Variants in TRAF3IP1 observed in about 807,000 individuals in gnomAD.
TRAF3IP1 encodes TRAF3-interacting protein 1.
In TRAF3IP1, 53 loss-of-function variants were observed where a neutral mutation model predicts 89.9. The observed-to-expected ratio is 0.59, with a 90% CI of 0.47 to 0.74. The LOEUF is 0.74. TRAF3IP1 is among the 30% of genes least tolerant of loss of function. The pLI is 0.00. For synonymous variants in TRAF3IP1, 311 were observed against 322.1 expected (o/e 0.97, Z 0.37); for missense variants, 806 against 866.1 (o/e 0.93, Z 0.87).
chr2:238,335,366 C>T (rs1698332594), intron 7 of TRAF3IP1, among the ~76,000 whole-genome samples: 1 of 152,156 alleles, frequency 6.6e-6, no homozygotes. Context: ...GTTCCAGGAT[C>T]ACTTATTCAT....
chr2:238,341,853 C>T (rs1245339470), intron 8 of TRAF3IP1, among the ~76,000 whole-genome samples: 1 of 152,152 alleles, frequency 6.6e-6, no homozygotes, highest in East Asian at 1.9e-4. Context: ...GCCAGTGTTC[C>T]ACCCTAGGGC....
chr2:238,380,310 C>T (rs1024346523), intron 15 of TRAF3IP1, among the ~76,000 whole-genome samples: 1 of 152,182 alleles, frequency 6.6e-6, no homozygotes, highest in Non-Finnish European at 1.5e-5. Flanking sequence ...CGTGGAGAAG[C>T]TGCTTACCTG....
At chr2:238,338,776 G>T (rs1263106703) in intron 8 of TRAF3IP1, among the ~76,000 whole-genome samples, 1 of 152,196 alleles carries the variant, frequency 6.6e-6, no homozygotes, top group Admixed American at 6.5e-5. Flanking sequence ...TAGAGAAACG[G>T]TTTTTATGTC....
chr2:238,387,373 C>T (rs1228305249), intron 15 of TRAF3IP1, among the ~76,000 whole-genome samples: 1 of 152,218 alleles, frequency 6.6e-6, no homozygotes, highest in Non-Finnish European at 1.5e-5. Context: ...TGCCAGATAA[C>T]AGTTCAGTAG....
intron 15 of TRAF3IP1, among the ~76,000 whole-genome samples, chr2:238,375,471 T>G (rs181168725): frequency 6.6e-6 from 1 of 152,334 alleles, no homozygotes; most frequent in East Asian, 1.9e-4. Context: ...GAGTTCTAAT[T>G]TGATTGCACT....
intron 12 of TRAF3IP1, 51 bp downstream of exon 12, chr2:238,349,459 G>T: frequency 6.4e-7 from 1 of 1,560,760 alleles, no homozygotes. Flanking sequence ...GTTCTCCAGT[G>T]GGCATGGTGC....
intron 15 of TRAF3IP1, among the ~76,000 whole-genome samples, chr2:238,383,273 G>A (rs74794287): frequency 1.7e-3 from 265 of 152,254 alleles, no homozygotes; most frequent in African/African-American, 6.2e-3. Context: ...TCAAACTTGC[G>A]GGTCTCTTTT....
At chr2:238,389,893 G>A (rs1057129004) in intron 15 of TRAF3IP1, among the ~76,000 whole-genome samples, 57 of 152,164 alleles carry the variant, frequency 3.7e-4, no homozygotes, top group African/African-American at 1.3e-3. Context: ...CACTAGAAGT[G>A]CAAATGCCCA....
At chr2:238,392,214 G>A (rs535728510) in intron 15 of TRAF3IP1, among the ~76,000 whole-genome samples, 9 of 152,114 alleles carry the variant, frequency 5.9e-5, no homozygotes, top group Non-Finnish European at 1.0e-4. Context: ...AGAAAAAATA[G>A]TAGAAAAAGA....
chr2:238,362,251 T>A (rs1247940549), intron 15 of TRAF3IP1, among the ~76,000 whole-genome samples: 1 of 147,110 alleles, frequency 6.8e-6, no homozygotes, highest in Non-Finnish European at 1.5e-5. Context: ...TTCAAACTAA[T>A]TTTTTTTTTT....
intron 15 of TRAF3IP1, among the ~76,000 whole-genome samples, chr2:238,377,234 T>C (rs1050506296): frequency 4.5e-5 from 6 of 133,734 alleles, no homozygotes; most frequent in East Asian, 2.0e-4. Context: ...GATTTTCTTT[T>C]TTTTTTTTTT....
At chr2:238,322,393 G>C (rs922669310) in intron 1 of TRAF3IP1, among the ~76,000 whole-genome samples, 2 of 152,160 alleles carry the variant, frequency 1.3e-5, no homozygotes, top group Non-Finnish European at 2.9e-5. Context: ...TAATGGGAGA[G>C]GAGGAGGAAC....
At chr2:238,340,595 C>A (rs1214907682) in intron 8 of TRAF3IP1, among the ~76,000 whole-genome samples, 1 of 152,076 alleles carries the variant, frequency 6.6e-6, no homozygotes, top group Admixed American at 6.5e-5. Flanking sequence ...ATGCTTTGTT[C>A]GCTTTACAAT....
At chr2:238,384,380 G>GTATA (rs58730491) in intron 15 of TRAF3IP1, among the ~76,000 whole-genome samples, 21 of 143,294 alleles carry the variant, frequency 1.5e-4, no homozygotes, top group Non-Finnish European at 2.4e-4. Flanking sequence ...ATGTATGTAT[G>GTATA]TATATATATA....
Position 238,398,945 on chromosome 2 carries a change from A to C in TRAF3IP1, c.*26A>C, listed in dbSNP as rs201006239. The C allele has an allele frequency of 1.1e-4, 169 of 1,571,996 alleles. No homozygotes were observed. The highest frequency in any genetic ancestry group is 1.3e-4 in the Non-Finnish European group (148 of 1,164,600). ...ACACTCAAAAGTTTCAGAGATGAAA[A>C]GTCACCTCAGTTTAAAAGCAAAAAG... On this transcript the variant is annotated 3_prime_UTR_variant, in exon 17 of 17. Coordinates refer to ENST00000373327, the MANE Select transcript of TRAF3IP1 (RefSeq NM_015650.4).
chr2:238,352,771 G>A, intron 12 of TRAF3IP1, 56 bp from the exon 13 acceptor site: 1 of 1,547,934 alleles, frequency 6.5e-7, no homozygotes, highest in Non-Finnish European at 8.8e-7. Context: ...AGTTTCAGAT[G>A]CTTGGGACTG....
rs74851014 is a variant in TRAF3IP1, at chr2:238,345,774, G to A, written c.1261+1176G>A. Among the ~76,000 whole-genome samples the A allele has an allele frequency of 0.016, 2,384 of 152,192 alleles. 16 individuals are homozygous for A. Among genetic ancestry groups the A allele is most frequent in the Non-Finnish European group, 0.024 (1,639 of 67,996 alleles). On this transcript the variant is annotated intron_variant, in intron 9 of 16. Transcript: ENST00000373327. The surrounding 1 kb of genome is among the most constrained non-coding windows in gnomAD (Gnocchi z 4.7). ...GAGAGGAGCTGTGAGAGTTGCTGGCGCTGGGTGATGGCAGGAGCCTGGGTG... is the reference window on the plus strand; with the variant it reads ...GAGAGGAGCTGTGAGAGTTGCTGGCACTGGGTGATGGCAGGAGCCTGGGTG...
chr2:238,367,163 C>CAAAAAAA (rs33964253), intron 15 of TRAF3IP1, among the ~76,000 whole-genome samples: 421 of 36,142 alleles, frequency 0.012, 80 homozygotes, highest in African/African-American at 0.04. Context: ...GACTCTGTCT[C>CAAAAAAA]AAAAAAAAAA....
intron 15 of TRAF3IP1, among the ~76,000 whole-genome samples, chr2:238,383,030 C>T (rs561270885): frequency 6.6e-6 from 1 of 152,282 alleles, no homozygotes; most frequent in South Asian, 2.1e-4. Flanking sequence ...CAGCCACCTC[C>T]CTGCCTGTCT....
Sources: allele counts gnomAD v4.1 joint callset (sites outside exome capture counted in the v4.1 genomes callset), GRCh38; gene constraint gnomAD v4.1.1; non-coding constraint Gnocchi (gnomAD v3.1); transcripts MANE v1.5; gene names NCBI Gene and HGNC (gene_info 2026-07-23, HGNC 2026-07-21).